ACTR3C: variants seen among roughly 807,000 people sequenced by gnomAD.
The protein encoded by ACTR3C is actin related protein 3C.
Under a neutral mutation model 26.3 loss-of-function variants are expected in ACTR3C, and 18 were observed. The observed-to-expected ratio is 0.68, with a 90% confidence interval of 0.47 to 1.01. ACTR3C has a LOEUF of 1.01. ACTR3C is among the 50% of genes least tolerant of loss of function. The pLI is 0.00. For synonymous variants in ACTR3C, 55 were observed against 94.5 expected (o/e 0.58, Z 2.42); for missense variants, 184 against 250.7 (o/e 0.73, Z 1.80).
At chr7:150,180,655 GGC>G in the ACTR3C span, among the ~76,000 whole-genome samples, 1 of 148,654 alleles carries the variant, frequency 6.7e-6, no homozygotes, top group Non-Finnish European at 1.5e-5. Context: ...TGGGACTACA[GGC>G]GCGCGCCACC....
the ACTR3C span, among the ~76,000 whole-genome samples, chr7:150,093,200 T>A: frequency 6.6e-6 from 1 of 150,976 alleles, no homozygotes; most frequent in African/African-American, 2.5e-5. Flanking sequence ...TGGCAGCTCA[T>A]CTGAGAATTT....
At chr7:150,117,562 A>C in the ACTR3C span, among the ~76,000 whole-genome samples, 8 of 152,226 alleles carry the variant, frequency 5.3e-5, no homozygotes, top group African/African-American at 1.9e-4. Context: ...GGCATCTCTG[A>C]AAGAAAGGCA....
chr7:150,044,544 T>C, the ACTR3C span, among the ~76,000 whole-genome samples: 1 of 152,216 alleles, frequency 6.6e-6, no homozygotes, highest in East Asian at 1.9e-4. Context: ...AGTCCCTTTG[T>C]TGCCTGTGTA....
chr7:150,216,812 C>G, the ACTR3C span, among the ~76,000 whole-genome samples: 1 of 150,892 alleles, frequency 6.6e-6, no homozygotes, highest in African/African-American at 2.5e-5. Context: ...CATGGCAAAC[C>G]CCATCTCTAC....
chr7:150,001,358 T>C, the ACTR3C span: 1 of 152,188 alleles, frequency 6.6e-6, no homozygotes, highest in Non-Finnish European at 1.5e-5. Context: ...AGCAGAGAGA[T>C]CCAAAAAAGA....
At chr7:149,942,975 C>CT in the ACTR3C span, among the ~76,000 whole-genome samples, 1 of 151,980 alleles carries the variant, frequency 6.6e-6, no homozygotes, top group Admixed American at 6.5e-5. Flanking sequence ...GGCTAAAACT[C>CT]TAAATGCTCT....
At chr7:150,221,167 T>G in the ACTR3C span, among the ~76,000 whole-genome samples, 1 of 152,250 alleles carries the variant, frequency 6.6e-6, no homozygotes. Context: ...TCGGTGCCAT[T>G]GGTTGGCGGC....
the ACTR3C span, among the ~76,000 whole-genome samples, chr7:150,125,596 T>G: frequency 6.6e-6 from 1 of 152,162 alleles, no homozygotes; most frequent in African/African-American, 2.4e-5. Flanking sequence ...TCTTGCTTTT[T>G]TTGCATTTGA....
intron 1 of ACTR3C, among the ~76,000 whole-genome samples, chr7:150,301,988 T>A (rs1795465268): frequency 6.6e-6 from 1 of 152,130 alleles, no homozygotes; most frequent in South Asian, 2.1e-4. Context: ...AAGCTGTACA[T>A]TCAAAAATGG....
At chr7:150,038,769 A>T in the ACTR3C span, among the ~76,000 whole-genome samples, 1,464 of 142,924 alleles carry the variant, frequency 0.01, 127 homozygotes, top group East Asian at 0.025. Flanking sequence ...CAGGAGGGGA[A>T]GAGGGTCTGG....
At chr7:149,969,818 G>A in the ACTR3C span, among the ~76,000 whole-genome samples, 1 of 152,160 alleles carries the variant, frequency 6.6e-6, no homozygotes. Context: ...TTCAGCAACA[G>A]AGAATACTTT....
downstream of ACTR3C, among the ~76,000 whole-genome samples, chr7:150,243,557 T>C (rs1832301745): frequency 6.6e-6 from 1 of 152,078 alleles, no homozygotes; most frequent in African/African-American, 2.4e-5. Flanking sequence ...TGTCCCTTGG[T>C]ATCCATGGGG....
the ACTR3C span, among the ~76,000 whole-genome samples, chr7:150,067,649 T>C: frequency 6.6e-6 from 1 of 151,874 alleles, no homozygotes; most frequent in Non-Finnish European, 1.5e-5. Context: ...AGCAGTACTG[T>C]TGCTTAGCTT....
chr7:150,050,453 A>G, the ACTR3C span, among the ~76,000 whole-genome samples: 1 of 152,238 alleles, frequency 6.6e-6, no homozygotes, highest in Non-Finnish European at 1.5e-5. Flanking sequence ...AAAGTTTAAA[A>G]TCTCAAATTA....
intron 6 of ACTR3C, among the ~76,000 whole-genome samples, chr7:150,252,457 T>C (rs1224436090): frequency 1.3e-5 from 2 of 152,180 alleles, no homozygotes; most frequent in Non-Finnish European, 2.9e-5. Flanking sequence ...GCTTGGAGGA[T>C]GCAGAGGCTG....
chr7:149,995,806 T>A, the ACTR3C span, among the ~76,000 whole-genome samples: 1 of 152,252 alleles, frequency 6.6e-6, no homozygotes, highest in South Asian at 2.1e-4. Flanking sequence ...AGGGGCACCG[T>A]TGGCAGGACC....
chr7:150,278,174 C>G (rs1472039986), intron 6 of ACTR3C, among the ~76,000 whole-genome samples: 1 of 152,218 alleles, frequency 6.6e-6, no homozygotes, highest in East Asian at 1.9e-4. Context: ...TGCTGCAACA[C>G]AGATCCTGCT....
chr7:149,968,102 C>T, the ACTR3C span, among the ~76,000 whole-genome samples: 140,379 of 151,860 alleles, frequency 0.92, 65,247 homozygotes, highest in Non-Finnish European at 0.99. Context: ...TCTGTAGTTA[C>T]ACTCCCCAGG....
chr7:150,046,577 A>C, the ACTR3C span, among the ~76,000 whole-genome samples: 1 of 143,098 alleles, frequency 7.0e-6, no homozygotes. Flanking sequence ...AATTTCTACA[A>C]ACCAACACAG....
Sources: allele counts gnomAD v4.1 joint callset (sites outside exome capture counted in the v4.1 genomes callset), GRCh38; gene constraint gnomAD v4.1.1; transcripts MANE v1.5; gene names NCBI Gene and HGNC (gene_info 2026-07-23, HGNC 2026-07-21).